Variants in PLEKHG6 observed in about 807,000 individuals in gnomAD.
PLEKHG6 encodes pleckstrin homology and RhoGEF domain containing G6.
A neutral mutation model predicts 97.5 loss-of-function variants in PLEKHG6; 91 were observed. The ratio of observed to expected loss-of-function variants is 0.93; its 90% CI spans 0.79 to 1.11. The LOEUF (loss-of-function observed/expected upper bound fraction) is 1.11, where lower values mean the gene tolerates loss of function less well. Ranked by LOEUF, PLEKHG6 falls within the 50% of genes most tolerant of loss-of-function variation. The pLI is 0.00. For synonymous variants in PLEKHG6, 466 were observed against 425.5 expected, an observed-to-expected ratio of 1.10 and a Z score of -1.17; for missense variants, 1,044 against 1,031.0, an observed-to-expected ratio of 1.01 and a Z score of -0.17.
chr12:6,328,036 G>A (rs1947936832), intron 15 of PLEKHG6, 90 bp downstream of exon 15: 4 of 1,583,672 alleles, frequency 2.5e-6, no homozygotes, highest in African/African-American at 1.3e-5. Flanking sequence ...GGCAAAGCAG[G>A]AACAGGGGCT....
At chr12:6,313,469 G>C (rs1341684430) in intron 2 of PLEKHG6, among the ~76,000 whole-genome samples, 160 bp from the exon 3 acceptor site, 2 of 152,222 alleles carry the variant, frequency 1.3e-5, no homozygotes, top group Non-Finnish European at 2.9e-5. Context: ...ACTCAGGGCA[G>C]GAGCAGTCCA....
In PLEKHG6 at chr12:6,326,566, G is replaced by C. The variant is rs1947864203; in HGVS notation, c.1663G>C (p.Glu555Gln). 1 of 1,525,350 alleles carries C rather than the reference G, an allele frequency of 6.6e-7. No individual in the cohort carries two copies. The highest frequency in any genetic ancestry group is 2.2e-5 in the Admixed American group (1 of 44,506). 94.5% of individuals were successfully genotyped at this position (1,525,350 alleles called of 1,614,324 possible). The change falls in exon 14 of 16, where the codon GAG becomes CAG. Residue 555 changes from glutamate to glutamine, a missense_variant. By Grantham distance (29) the Glu-to-Gln change is conservative. Coordinates refer to ENST00000684764, the MANE Select transcript of PLEKHG6 (RefSeq NM_001384598.1). ...CCTGGAGGGCTCTCAGAGCAGCGCAGAGGGGAGGTAAGGCTCACACGGACT... is the reference window on the plus strand; with the variant it reads ...CCTGGAGGGCTCTCAGAGCAGCGCACAGGGGAGGTAAGGCTCACACGGACT... Reference protein sequence around the residue: ...PSLEGSQSSAEGRTPEFSTII... With the variant: ...PSLEGSQSSAQGRTPEFSTII...
chr12:6,328,188 T>G lies in PLEKHG6; in HGVS notation c.*43T>G. The G allele has an allele frequency of 6.3e-7, 1 of 1,599,292 alleles. No homozygotes were observed. The highest frequency in any genetic ancestry group is 8.6e-7 in the Non-Finnish European group (1 of 1,166,882). ...TGGCATGCATCTCTCCCAGAGGAGA[T>G]CTCTCCCCAGTAGTGCTGGTCACCC... On this transcript the variant is annotated 3_prime_UTR_variant, in exon 16 of 16. Transcript: ENST00000684764.
rs377631094 is a variant in PLEKHG6 at position 6,316,394 on chromosome 12, G to C, written c.746G>C (p.Gly249Ala). The C allele has an allele frequency of 4.7e-5, 74 of 1,572,246 alleles. No homozygotes were observed. Among genetic ancestry groups the C allele is most frequent in the Non-Finnish European group, 6.3e-5 (73 of 1,158,300 alleles). ...QPLDPIGLQSGFLTFGQRFHP... is the reference protein window; with the variant it reads ...QPLDPIGLQSAFLTFGQRFHP... The stretch of plus-strand genomic sequence containing the variant: ...CTGGACCCCATTGGTCTGCAAAGTG[G>C]CTTCCTGACGGTGAGGCCTGTGAAG... The change falls in exon 7 of 16, where the codon GGC (glycine) becomes GCC (alanine). Residue 249 changes from glycine (G) to alanine (A), a missense_variant. Transcript: ENST00000684764. The surrounding 1 kb of genome is among the most constrained non-coding windows in gnomAD (Gnocchi z 4.1).
In PLEKHG6 at chr12:6,316,497, T is replaced by G; in HGVS notation, c.756+93T>G. 1.1e-5 allele frequency: 14 copies of G among 1,252,490 alleles called. No homozygotes were observed. The highest frequency in any genetic ancestry group is 2.8e-5 in the Admixed American group (1 of 36,116). The allele number at this position is 1,252,490 out of a possible 1,614,324, so 77.6% of individuals were successfully genotyped here. A position where few individuals can be genotyped will look rare whatever the true frequency, so the allele number is the denominator to read the frequency against. On this transcript the variant is annotated intron_variant, in intron 7 of 15. Transcript: ENST00000684764. The surrounding 1 kb of genome is among the most constrained non-coding windows in gnomAD (Gnocchi z 4.1). ...GGCATGCCCACAGTATGCAAATCTC[T>G]GTGATTTGAGGGGCCGCAGGACACA...
Position 6,313,644 on chromosome 12 carries a change from C to T in PLEKHG6, c.154C>T (p.Arg52Cys), listed in dbSNP as rs374458575. 1.7e-5 allele frequency: 27 copies of T among 1,613,964 alleles called. 1 individual carries two copies. Among genetic ancestry groups the T allele is most frequent in the South Asian group, 3.3e-5 (3 of 91,090 alleles). Reference sequence around the variant, plus strand: ...CCTCTCCCAGGATCCCAGTCGCCGACGCCTCCAGCAGTATGTCCCCTTTGC... The same window carrying T: ...CCTCTCCCAGGATCCCAGTCGCCGATGCCTCCAGCAGTATGTCCCCTTTGC... ...GYPVLDPSRRRLQQYVPFARG... is the reference protein window; with the variant it reads ...GYPVLDPSRRCLQQYVPFARG... The change falls in exon 3 of 16, where the codon CGC (arginine) becomes TGC (cysteine). Residue 52 changes from arginine (R) to cysteine (C), a missense_variant. Transcript: ENST00000684764.
At chr12:6,314,938 C>T in intron 3 of PLEKHG6, 67 bp from the exon 4 acceptor site, 1 of 1,505,310 alleles carries the variant, frequency 6.6e-7, no homozygotes, top group Admixed American at 1.8e-5. Context: ...ACACACAGCC[C>T]TCCCGGGGCC....
chr12:6,325,181 C>A (rs1357280760), intron 13 of PLEKHG6, among the ~76,000 whole-genome samples: 1 of 152,104 alleles, frequency 6.6e-6, no homozygotes, highest in Non-Finnish European at 1.5e-5. Context: ...CTCCCTCCCC[C>A]TCCCCCTCCC....
At position 6,328,396 on chromosome 12, in the gene PLEKHG6, C is replaced by A. The variant is rs181825756; in HGVS notation, c.*251C>A. ...CTGGCTGGGCATGGCTGCCTGTAAT[C>A]CCAGCACTTTGGGAGGCTGAGGTGG... On this transcript the variant is annotated 3_prime_UTR_variant, in exon 16 of 16. Coordinates refer to ENST00000684764, the MANE Select transcript of PLEKHG6 (RefSeq NM_001384598.1). 2.3e-5 allele frequency: 11 copies of A among 476,052 alleles called. No homozygotes were observed. The highest frequency in any genetic ancestry group is 2.0e-4 in the African/African-American group (10 of 50,604). The allele number at this position is 476,052 out of a possible 1,614,324, so 29.5% of individuals were successfully genotyped here.
chr12:6,317,846 A>G lies in PLEKHG6; in HGVS notation c.1018-11A>G, dbSNP rs1440666922. 12 of 1,549,716 alleles carry G rather than the reference A, an allele frequency of 7.7e-6. No homozygotes were observed. Among genetic ancestry groups the G allele is most frequent in the Non-Finnish European group, 1.0e-5 (12 of 1,145,434 alleles). On this transcript the variant is annotated splice_polypyrimidine_tract_variant and intron_variant, in intron 9 of 15. Transcript: ENST00000684764. Reference sequence around the variant, plus strand: ...AGCCGTCCCTCCTCCCACACCCCCAACCCCACCTAGATTGAAGCCGTGGAG... The same window carrying G: ...AGCCGTCCCTCCTCCCACACCCCCAGCCCCACCTAGATTGAAGCCGTGGAG...
Position 6,317,985 on chromosome 12 carries a change from G to C in PLEKHG6, c.1146G>C (p.Glu382Asp). Residue 382 changes from glutamate to aspartate, a missense_variant, in exon 10 of 16, where the codon GAG (glutamate) becomes GAC (aspartate). Glu to Asp is a conservative substitution (Grantham distance 45, BLOSUM62 2). Transcript: ENST00000684764. ...PYEVLEPPSD[E>D]VEKNLRPFST... is the part of the protein sequence containing the mutation. Reference sequence around the variant, plus strand: ...AGGTGCTGGAGCCACCCAGTGATGAGGTGGAGAAGGTGAGAGGGCAAAGGG... The same window carrying C: ...AGGTGCTGGAGCCACCCAGTGATGACGTGGAGAAGGTGAGAGGGCAAAGGG... The C allele has an allele frequency of 6.3e-7, 1 of 1,588,788 alleles. No individual in the cohort carries two copies. The highest frequency in any genetic ancestry group is 8.6e-7 in the Non-Finnish European group (1 of 1,167,252).
chr12:6,323,509 A>G (rs112040512), intron 13 of PLEKHG6, among the ~76,000 whole-genome samples: 263 of 152,358 alleles, frequency 1.7e-3, no homozygotes, highest in Non-Finnish European at 3.1e-3. Flanking sequence ...GATGACTCAC[A>G]CTTTTAGAGA....
upstream of PLEKHG6, chr12:6,310,643 C>G (rs924175431): frequency 6.6e-6 from 1 of 152,162 alleles, no homozygotes; most frequent in African/African-American, 2.4e-5. Context: ...CTGCCCCGAG[C>G]GGTGCTGGCG....
intron 2 of PLEKHG6, 82 bp downstream of exon 2, chr12:6,312,446 A>G (rs1168451285): frequency 2.9e-6 from 4 of 1,399,590 alleles, no homozygotes; most frequent in Non-Finnish European, 3.9e-6. Flanking sequence ...GTCCCCTTAC[A>G]GGTTCAGAGG....
At chr12:6,314,358 T>G (rs1947378101) in intron 3 of PLEKHG6, among the ~76,000 whole-genome samples, 1 of 151,866 alleles carries the variant, frequency 6.6e-6, no homozygotes, top group Non-Finnish European at 1.5e-5. Context: ...TAAAAAAAAA[T>G]TAGCTGGGTG....
In PLEKHG6 at chr12:6,315,546, C is replaced by A; in HGVS notation, c.460-8C>A. The stretch of plus-strand genomic sequence containing the variant: ...TCCCCAACTGAACCAGCATTCTCCC[C>A]ACCCCAGGAGATGAGCCAGGAGCTC... On this transcript the variant is annotated splice_polypyrimidine_tract_variant and splice_region_variant and intron_variant, in intron 4 of 15. Transcript: ENST00000684764. This position sits in a 1 kb window ranked among gnomAD's most constrained non-coding sequence, Gnocchi z 4.5. 6.6e-7 allele frequency: 1 copy of A among 1,520,428 alleles called. No homozygotes were observed. Among genetic ancestry groups the A allele is most frequent in the Non-Finnish European group, 8.9e-7 (1 of 1,121,304 alleles). 94.2% of individuals were successfully genotyped at this position (1,520,428 alleles called of 1,614,324 possible).
intron 13 of PLEKHG6, 195 bp downstream of exon 13, chr12:6,319,303 C>G (rs1053444397): frequency 4.9e-6 from 3 of 610,444 alleles, no homozygotes; most frequent in Admixed American, 3.0e-5. Flanking sequence ...CAAAAATTAG[C>G]CGGGCGTGGT....
Position 6,327,375 on chromosome 12 carries a change from C to G in PLEKHG6, c.1792C>G (p.Pro598Ala). 3 of 1,614,168 alleles carry G rather than the reference C, an allele frequency of 1.9e-6. No homozygotes were observed. Among genetic ancestry groups the G allele is most frequent in the Non-Finnish European group, 2.5e-6 (3 of 1,180,022 alleles). ...SGYGTLIPGT[P>A]TGSRSPLSRL... Reference sequence around the variant, plus strand: ...CTACGGCACTTTGATCCCAGGCACCCCCACGGGGTCCCGCTCCCCACTGAG... The same window carrying G: ...CTACGGCACTTTGATCCCAGGCACCGCCACGGGGTCCCGCTCCCCACTGAG... Residue 598 changes from proline to alanine, a missense_variant, in exon 15 of 16, where the codon CCC (proline) becomes GCC (alanine). Pro to Ala is a conservative substitution (Grantham distance 27). Coordinates refer to ENST00000684764, the MANE Select transcript of PLEKHG6 (RefSeq NM_001384598.1).
Position 6,316,947 on chromosome 12 carries a change from C to T in PLEKHG6, c.757-356C>T, listed in dbSNP as rs550157166. Among the ~76,000 whole-genome samples, 33 of 152,268 alleles carry T rather than the reference C, an allele frequency of 2.2e-4. No homozygotes were observed. The highest frequency in any genetic ancestry group is 7.0e-4 in the African/African-American group (29 of 41,548). On this transcript the variant is annotated intron_variant, in intron 7 of 15. Coordinates refer to ENST00000684764, the MANE Select transcript of PLEKHG6 (RefSeq NM_001384598.1). The surrounding 1 kb of genome is among the most constrained non-coding windows in gnomAD (Gnocchi z 4.1). ...AAGGCTTCTGAGCCAACTCTTAGGT[C>T]GCCACCCCACCCCCAGGGTGAAATG...
Sources: allele counts gnomAD v4.1 joint callset (sites outside exome capture counted in the v4.1 genomes callset), GRCh38; gene constraint gnomAD v4.1.1; non-coding constraint Gnocchi (gnomAD v3.1); transcripts MANE v1.5; gene names NCBI Gene and HGNC (gene_info 2026-07-23, HGNC 2026-07-21).